F5: variants seen among roughly 807,000 people sequenced by gnomAD.
The protein encoded by F5 is activated protein c cofactor.
Under a neutral mutation model 216.4 loss-of-function variants are expected in F5, and 138 were observed. That is an observed-to-expected ratio of 0.64 (90% CI 0.56 to 0.73). The LOEUF (loss-of-function observed/expected upper bound fraction) is 0.73. Ranked by LOEUF, F5 falls within the 30% of genes least tolerant of loss-of-function variation. F5 has a pLI of 0.00. For missense variants in F5, 2,403 were observed against 2,674.0 expected (o/e 0.90, Z 2.24); for synonymous variants, 916 against 930.7 (o/e 0.98, Z 0.29).
chr1:169,582,283 C>G (rs1328641715), intron 2 of F5, 148 bp downstream of exon 2: 1 of 504,246 alleles, frequency 2.0e-6, no homozygotes, highest in Non-Finnish European at 3.6e-6. Flanking sequence ...TTGCACTGGG[C>G]CCCACATATT....
chr1:169,535,378 G>A (rs577427681), intron 14 of F5, among the ~76,000 whole-genome samples: 1 of 152,046 alleles, frequency 6.6e-6, no homozygotes, highest in South Asian at 2.1e-4. Flanking sequence ...CATTAATTTT[G>A]ATTTTTAAAT....
At position 169,542,226 on chromosome 1, in the gene F5, C is replaced by T; in HGVS notation, c.2864G>A (p.Ser955Asn). 6.2e-7 allele frequency: 1 copy of T among 1,614,086 alleles called. No individual in the cohort carries two copies. Among genetic ancestry groups the T allele is most frequent in the South Asian group, 1.1e-5 (1 of 91,070 alleles). Residue 955 changes from serine to asparagine, a missense_variant, in exon 13 of 25, where the codon AGC (serine) becomes AAC (asparagine). By Grantham distance (46) the Ser-to-Asn change is conservative. Around this residue, in one of 4 missense-constraint regions of F5, gnomAD observed 1,425 missense variants for 1,554.8 expected, o/e 0.92. Transcript: ENST00000367797. Reference sequence around the variant, plus strand: ...ATCAGTATCTTGGATTATTTCATAGCTACCTTTCTCAGAAGCCAAATGCCA... The same window carrying T: ...ATCAGTATCTTGGATTATTTCATAGTTACCTTTCTCAGAAGCCAAATGCCA... ...GRWHLASEKG[S>N]YEIIQDTDED...
chr1:169,529,446 A>G (rs998132608), intron 16 of F5, among the ~76,000 whole-genome samples, 162 bp downstream of exon 16: 14 of 152,182 alleles, frequency 9.2e-5, no homozygotes, highest in Admixed American at 4.6e-4. Flanking sequence ...GTCACCTGCC[A>G]GATTACATCA....
At chr1:169,538,904 A>G (rs1659768592) in intron 13 of F5, among the ~76,000 whole-genome samples, 2 of 152,152 alleles carry the variant, frequency 1.3e-5, no homozygotes, top group African/African-American at 4.8e-5. Flanking sequence ...GTTGTGATAT[A>G]GTATTATAGA....
rs1659712826 is a variant in F5 at position 169,536,691 on chromosome 1, A to G, written c.4797-11T>C. 6.3e-7 allele frequency: 1 copy of G among 1,595,882 alleles called. No homozygotes were observed. The highest frequency in any genetic ancestry group is 1.1e-5 in the South Asian group (1 of 90,682). On this transcript the variant is annotated splice_polypyrimidine_tract_variant and intron_variant, in intron 13 of 24. Coordinates refer to ENST00000367797, the MANE Select transcript of F5 (RefSeq NM_000130.5). ...TCAATATCTGTTTCCCTGAAATAAT[A>G]ATACTATTTGTGTAAAAGAAGAAAT... is the stretch of plus-strand genomic sequence containing the variant.
rs112251127 is a variant in F5, at chr1:169,540,500, C to T, written c.4590G>A (p.Glu1530=). 14 of 1,613,972 alleles carry T rather than the reference C, an allele frequency of 8.7e-6. No homozygotes were observed. In the African/African-American group the frequency reaches 1.1e-4, roughly 12 times the overall value. Residue 1530 remains glutamate (E), a synonymous_variant, in exon 13 of 25, where the codon GAG becomes GAA. Transcript: ENST00000367797. ...TDYIEIIPKE[E]VQSSEDDYAE... is the part of the protein sequence containing the mutation. ...CATAGTCATCTTCACTGCTCTGGAC[C>T]TCTTCCTTTGGAATGATCTCAATGT...
chr1:169,550,721 C>A lies in F5; in HGVS notation c.1315G>T (p.Ala439Ser). The change falls in exon 9 of 25, where the codon GCC becomes TCC. Residue 439 changes from alanine to serine, a missense_variant. Physicochemically the swap from Ala to Ser is moderately conservative, Grantham distance 99 (BLOSUM62 1). This residue lies in a region of F5 where 1,425 missense variants were observed against 1,554.8 expected (regional missense o/e 0.92). Transcript: ENST00000367797. The stretch of plus-strand genomic sequence containing the variant: ...GGGTAAATGCTATAGGGGCGGCTGG[C>A]CATATTTTTGAACACGATCTACAAA... ...DTLKIVFKNM[A>S]SRPYSIYPHG... 6.2e-7 allele frequency: 1 copy of A among 1,613,628 alleles called. No homozygotes were observed. The highest frequency in any genetic ancestry group is 8.5e-7 in the Non-Finnish European group (1 of 1,179,662).
Position 169,541,153 on chromosome 1 carries a change from A to G in F5, c.3937T>C (p.Ser1313Pro). ...ATGGGCATCTGACCGAGGGCTGGGGAAAGGTTTGTCTGACTGAGTTCTGGA... is the reference window on the plus strand; with the variant it reads ...ATGGGCATCTGACCGAGGGCTGGGGGAAGGTTTGTCTGACTGAGTTCTGGA... Reference protein sequence around the residue: ...LSPELSQTNLSPALGQMPISP... With the variant: ...LSPELSQTNLPPALGQMPISP... The change falls in exon 13 of 25, where the codon TCC becomes CCC. Residue 1313 changes from serine to proline, a missense_variant. By Grantham distance (74) the Ser-to-Pro change is moderately conservative. Coordinates refer to ENST00000367797, the MANE Select transcript of F5 (RefSeq NM_000130.5). 6.4e-7 allele frequency: 1 copy of G among 1,572,770 alleles called. No homozygotes were observed. Among genetic ancestry groups the G allele is most frequent in the Non-Finnish European group, 8.6e-7 (1 of 1,158,012 alleles).
chr1:169,524,641 GC>G (rs1557907356), intron 19 of F5, among the ~76,000 whole-genome samples, 195 bp downstream of exon 19: 1 of 152,126 alleles, frequency 6.6e-6, no homozygotes, highest in Non-Finnish European at 1.5e-5. Flanking sequence ...ACACTAACAG[GC>G]CTTTAGCTCC....
chr1:169,572,840 G>GA (rs1175906443), intron 2 of F5, among the ~76,000 whole-genome samples: 2 of 152,150 alleles, frequency 1.3e-5, no homozygotes, highest in Non-Finnish European at 2.9e-5. Context: ...AGTACGGGAA[G>GA]AAAGAAGAGA....
At chr1:169,527,155 T>C (rs1571563655) in intron 17 of F5, among the ~76,000 whole-genome samples, 1 of 152,224 alleles carries the variant, frequency 6.6e-6, no homozygotes, top group East Asian at 1.9e-4. Context: ...GAAGGCAAAA[T>C]AGAAGGAAGG....
chr1:169,578,717 A>G (rs1660919366), intron 2 of F5, among the ~76,000 whole-genome samples: 1 of 152,198 alleles, frequency 6.6e-6, no homozygotes, highest in Non-Finnish European at 1.5e-5. Context: ...GAAAATGAAT[A>G]GACTCTGTGA....
At chr1:169,517,265 A>G (rs1020172683) in intron 23 of F5, among the ~76,000 whole-genome samples, 5 of 152,256 alleles carry the variant, frequency 3.3e-5, no homozygotes, top group South Asian at 4.1e-4. Context: ...TGTATTTAGA[A>G]TTAAAAGGAA....
chr1:169,573,592 A>AATG (rs1266395436), intron 2 of F5, among the ~76,000 whole-genome samples: 1 of 152,206 alleles, frequency 6.6e-6, no homozygotes, highest in Non-Finnish European at 1.5e-5. Flanking sequence ...CAACTGGGTA[A>AATG]ATGATGTTAT....
At chr1:169,579,266 T>C (rs991587738) in intron 2 of F5, among the ~76,000 whole-genome samples, 5 of 152,146 alleles carry the variant, frequency 3.3e-5, no homozygotes, top group African/African-American at 4.8e-5. Flanking sequence ...ATTCTCTAGA[T>C]TTCTTCTCCC....
At chr1:169,555,415 C>T (rs994559168) in intron 6 of F5, 68 bp from the exon 7 acceptor site, 10 of 1,474,744 alleles carry the variant, frequency 6.8e-6, no homozygotes, top group Non-Finnish European at 9.4e-6. Context: ...AAATGCATAT[C>T]CTTTAAATCA....
In F5 at chr1:169,536,629, C is replaced by T. The variant is rs749911962; in HGVS notation, c.4848G>A (p.Lys1616=). 2 of 1,613,144 alleles carry T rather than the reference C, an allele frequency of 1.2e-6. No individual in the cohort carries two copies. The highest frequency in any genetic ancestry group is 4.5e-5 in the East Asian group (2 of 44,866). The change falls in exon 14 of 25, where the codon AAG becomes AAA. Residue 1616 remains lysine, a synonymous_variant. Coordinates refer to ENST00000367797, the MANE Select transcript of F5 (RefSeq NM_000130.5). ...SDDIPEDTTY[K]KVVFRKYLDS... ...CGAGGTACTTTCGAAAAACTACTTTCTTATATGTGGTATCTTCTGGAATAT... is the reference window on the plus strand; with the variant it reads ...CGAGGTACTTTCGAAAAACTACTTTTTTATATGTGGTATCTTCTGGAATAT...
At chr1:169,549,687 G>T in intron 10 of F5, 114 bp downstream of exon 10, 1 of 740,148 alleles carries the variant, frequency 1.4e-6, no homozygotes. Context: ...AGGACTACTT[G>T]ACAATTACTG....
At chr1:169,563,394 T>C (rs1660524714) in intron 3 of F5, among the ~76,000 whole-genome samples, 1 of 152,084 alleles carries the variant, frequency 6.6e-6, no homozygotes, top group Non-Finnish European at 1.5e-5. Flanking sequence ...TTTTCAGTCA[T>C]TATTTCTTCA....
Sources: gnomAD v4.1 joint callset for allele counts (sites outside exome capture counted in the v4.1 genomes callset) on GRCh38, gnomAD v4.1.1 for gene constraint, gnomAD v4.1.1 regional missense constraint, MANE v1.5 for transcripts, NCBI Gene and HGNC (gene_info 2026-07-23, HGNC 2026-07-21) for gene names.